TDRD3: variants seen among roughly 807,000 people sequenced by gnomAD.
TDRD3 encodes tudor domain-containing protein 3.
Under a neutral mutation model 86.7 loss-of-function variants are expected in TDRD3, and 45 were observed. The observed-to-expected ratio is 0.52, with a 90% confidence interval of 0.41 to 0.67. TDRD3 has a LOEUF of 0.67. Ranked by LOEUF, TDRD3 falls within the 30% of genes least tolerant of loss-of-function variation. The probability of loss-of-function intolerance (pLI) is 0.00; values close to 1 mark genes in which losing one functional copy is unlikely to be tolerated. For missense variants in TDRD3, 814 were observed against 889.0 expected (o/e 0.92, Z 1.07); for synonymous variants, 298 against 301.7 (o/e 0.99, Z 0.13).
chr13:60,489,502 A>G (rs1956531349), intron 7 of TDRD3, among the ~76,000 whole-genome samples: 1 of 152,198 alleles, frequency 6.6e-6, no homozygotes, highest in South Asian at 2.1e-4. Flanking sequence ...GGCTGGAAGC[A>G]TATCCTACTG....
chr13:60,475,965 A>C (rs1956178717), intron 5 of TDRD3, among the ~76,000 whole-genome samples: 3 of 152,110 alleles, frequency 2.0e-5, no homozygotes, highest in Admixed American at 2.0e-4. Flanking sequence ...ACAGTTGACA[A>C]ATATGTTTTC....
chr13:60,526,372 T>TG (rs1291887801), intron 10 of TDRD3, among the ~76,000 whole-genome samples: 2 of 152,092 alleles, frequency 1.3e-5, no homozygotes, highest in Non-Finnish European at 2.9e-5. Flanking sequence ...AGGAGGCAAA[T>TG]GCTGCTTTTA....
At chr13:60,526,592 T>C (rs1172425032) in intron 10 of TDRD3, among the ~76,000 whole-genome samples, 1 of 151,804 alleles carries the variant, frequency 6.6e-6, no homozygotes, top group Non-Finnish European at 1.5e-5. Flanking sequence ...GTTATGTTTA[T>C]TAGGCAGATA....
intron 10 of TDRD3, among the ~76,000 whole-genome samples, chr13:60,525,059 C>T (rs1957382505): frequency 8.4e-6 from 1 of 118,632 alleles, no homozygotes; most frequent in Admixed American, 1.0e-4. Flanking sequence ...TGTACTCCAG[C>T]CTGGGCAACA....
intron 12 of TDRD3, among the ~76,000 whole-genome samples, chr13:60,559,716 G>A (rs1159219066): frequency 3.3e-5 from 5 of 152,164 alleles, no homozygotes; most frequent in Non-Finnish European, 5.9e-5. Context: ...GAGTAGTATG[G>A]TGGTTGCCAG....
intron 1 of TDRD3, among the ~76,000 whole-genome samples, chr13:60,420,133 G>T (rs139222173): frequency 6.6e-6 from 1 of 151,890 alleles, no homozygotes; most frequent in African/African-American, 2.4e-5. Context: ...TAAGAAGTAT[G>T]ATTTTTTCTA....
intron 10 of TDRD3, among the ~76,000 whole-genome samples, chr13:60,521,387 G>C (rs1432276601): frequency 1.3e-5 from 2 of 151,718 alleles, no homozygotes; most frequent in African/African-American, 4.8e-5. Flanking sequence ...AAGCACTGGA[G>C]AAAACAATGC....
At chr13:60,444,563 A>G (rs1955355318) in intron 2 of TDRD3, 120 bp from the exon 3 acceptor site, 1 of 545,982 alleles carries the variant, frequency 1.8e-6, no homozygotes, top group Non-Finnish European at 3.2e-6. Context: ...AGATCTCATG[A>G]CCAGTTAAAC....
chr13:60,493,241 G>C (rs1956636565), intron 7 of TDRD3, among the ~76,000 whole-genome samples: 1 of 151,828 alleles, frequency 6.6e-6, no homozygotes, highest in African/African-American at 2.4e-5. Context: ...TAATGTTATT[G>C]TATTATATAT....
At chr13:60,503,320 A>G (rs111794458) in intron 8 of TDRD3, among the ~76,000 whole-genome samples, 4 of 152,338 alleles carry the variant, frequency 2.6e-5, no homozygotes, top group Non-Finnish European at 5.9e-5. Context: ...GAGAAGGAAC[A>G]GAGCAAGACA....
In TDRD3 at chr13:60,397,294, G is replaced by GC; in HGVS notation, c.-71_-70insC. 1 of 807,826 alleles carries GC rather than the reference G, an allele frequency of 1.2e-6. No individual in the cohort carries two copies. Among genetic ancestry groups the GC allele is most frequent in the Non-Finnish European group, 1.8e-6 (1 of 554,612 alleles). The allele number at this position is 807,826 out of a possible 1,614,324, so 50.0% of individuals were successfully genotyped here. A position where few individuals can be genotyped will look rare whatever the true frequency, so the allele number is the denominator to read the frequency against. ...TTTCTTTTTTTTTTTTTAAGGGGGGGGGTCTCAAGTAGGAGGCCTCCCCAT... is the reference window on the plus strand; with the variant it reads ...TTTCTTTTTTTTTTTTTAAGGGGGGGCGGTCTCAAGTAGGAGGCCTCCCCAT... On this transcript the variant is annotated 5_prime_UTR_variant, in exon 1 of 14. An upstream open reading frame in the 5' UTR gains an earlier in-frame stop. Transcript: ENST00000377881.
At chr13:60,460,683 C>G in intron 4 of TDRD3, 143 bp downstream of exon 4, 1 of 741,120 alleles carries the variant, frequency 1.3e-6, no homozygotes, top group Non-Finnish European at 2.0e-6. Context: ...AGCTTTTCTG[C>G]ATTTCTGCTT....
chr13:60,555,467 A>G (rs958362582), intron 12 of TDRD3, among the ~76,000 whole-genome samples: 1 of 152,190 alleles, frequency 6.6e-6, no homozygotes, highest in African/African-American at 2.4e-5. Flanking sequence ...GAAAACTACA[A>G]ATATGGGTTC....
intron 5 of TDRD3, among the ~76,000 whole-genome samples, chr13:60,475,933 A>G (rs1466457791): frequency 6.6e-6 from 1 of 152,076 alleles, no homozygotes; most frequent in Non-Finnish European, 1.5e-5. Context: ...TAGATTCGGG[A>G]TAGTAGACCT....
At chr13:60,515,032 T>C (rs551743398) in intron 10 of TDRD3, among the ~76,000 whole-genome samples, 12 of 152,314 alleles carry the variant, frequency 7.9e-5, no homozygotes, top group African/African-American at 2.9e-4. Flanking sequence ...CACTGTCTAG[T>C]GTGTGAGACA....
At chr13:60,415,112 T>C (rs1214372682) in intron 1 of TDRD3, among the ~76,000 whole-genome samples, 1 of 151,940 alleles carries the variant, frequency 6.6e-6, no homozygotes, top group Non-Finnish European at 1.5e-5. Flanking sequence ...ATTGAACTTA[T>C]GAAAAAAAAA....
At chr13:60,495,236 G>A (rs1189655365) in intron 8 of TDRD3, among the ~76,000 whole-genome samples, 1 of 152,160 alleles carries the variant, frequency 6.6e-6, no homozygotes, top group Non-Finnish European at 1.5e-5. Context: ...AAATTCAGCA[G>A]TATAACAATA....
intron 1 of TDRD3, among the ~76,000 whole-genome samples, chr13:60,426,153 T>C (rs1424452791): frequency 6.6e-6 from 1 of 152,122 alleles, no homozygotes; most frequent in Admixed American, 6.5e-5. Flanking sequence ...GATGTTATGC[T>C]AAGTGAAAAA....
At chr13:60,419,393 A>G (rs920379508) in intron 1 of TDRD3, among the ~76,000 whole-genome samples, 1 of 152,178 alleles carries the variant, frequency 6.6e-6, no homozygotes, top group Non-Finnish European at 1.5e-5. Flanking sequence ...TGTTGTACCT[A>G]TCACTGATAG....
Sources: gnomAD v4.1 joint callset for allele counts (sites outside exome capture counted in the v4.1 genomes callset) on GRCh38, gnomAD v4.1.1 for gene constraint, MANE v1.5 for transcripts, NCBI Gene and HGNC (gene_info 2026-07-23, HGNC 2026-07-21) for gene names.